The following CALD1 variants were observed in gnomAD, a reference collection of about 807,000 sequenced individuals.
The protein encoded by CALD1 is caldesmon.
Under a neutral mutation model 99.9 loss-of-function variants are expected in CALD1, and 33 were observed. The observed-to-expected ratio is 0.33, with a 90% CI of 0.25 to 0.44. The LOEUF is 0.44. Ranked by LOEUF, CALD1 falls within the 20% of genes least tolerant of loss-of-function variation. The pLI, the probability that CALD1 is intolerant of heterozygous loss-of-function variation, is 1.00. For missense variants in CALD1, 861 were observed against 962.1 expected, an observed-to-expected ratio of 0.89 and a Z score of 1.39; for synonymous variants, 310 against 325.0, an observed-to-expected ratio of 0.95 and a Z score of 0.50.
chr7:134,763,713 T>A (rs898873601), intron 1 of CALD1, among the ~76,000 whole-genome samples: 5 of 151,518 alleles, frequency 3.3e-5, no homozygotes, highest in Admixed American at 3.3e-4. Context: ...AGGTCAGGAG[T>A]TTGAGACCAG....
At chr7:134,902,936 GATAA>G (rs1413105892) in intron 3 of CALD1, among the ~76,000 whole-genome samples, 2 of 152,046 alleles carry the variant, frequency 1.3e-5, no homozygotes, top group Non-Finnish European at 2.9e-5. Flanking sequence ...TGGATGAGTG[GATAA>G]ATAAACTGTG....
intron 14 of CALD1, among the ~76,000 whole-genome samples, chr7:134,967,175 A>G (rs1224266864): frequency 2.6e-5 from 4 of 152,194 alleles, no homozygotes; most frequent in African/African-American, 9.6e-5. Flanking sequence ...CACCACTCAC[A>G]TACAAACATG....
the CALD1 span, among the ~76,000 whole-genome samples, chr7:134,723,042 C>A: frequency 6.6e-6 from 1 of 152,178 alleles, no homozygotes; most frequent in East Asian, 1.9e-4. Context: ...CCAAGGGAAG[C>A]ACTAACACGG....
At chr7:134,863,462 G>A (rs150610391) in intron 2 of CALD1, among the ~76,000 whole-genome samples, 1 of 152,238 alleles carries the variant, frequency 6.6e-6, no homozygotes, top group African/African-American at 2.4e-5. Context: ...CCTAAGTGTT[G>A]AGTGCTGGGT....
At chr7:134,831,111 A>G (rs1207550324) in intron 1 of CALD1, among the ~76,000 whole-genome samples, 2 of 152,238 alleles carry the variant, frequency 1.3e-5, no homozygotes, top group African/African-American at 4.8e-5. Flanking sequence ...ATGATTACAT[A>G]TAACTGTAAA....
intron 1 of CALD1, among the ~76,000 whole-genome samples, chr7:134,764,071 A>G (rs1796805086): frequency 6.6e-6 from 1 of 152,142 alleles, no homozygotes; most frequent in African/African-American, 2.4e-5. Flanking sequence ...AGTGTCCCCA[A>G]AGTCCATACA....
At chr7:134,851,546 C>T (rs1350990106) in intron 2 of CALD1, among the ~76,000 whole-genome samples, 1 of 152,190 alleles carries the variant, frequency 6.6e-6, no homozygotes, top group Non-Finnish European at 1.5e-5. Flanking sequence ...CTAGGTTATG[C>T]TGGTGTCAGA....
intron 3 of CALD1, among the ~76,000 whole-genome samples, chr7:134,925,498 G>T (rs1444395388): frequency 6.6e-6 from 1 of 152,128 alleles, no homozygotes; most frequent in Non-Finnish European, 1.5e-5. Context: ...AAGAAAAGAG[G>T]TTTAACTGAC....
chr7:134,922,024 CA>C (rs1342870187), intron 3 of CALD1, among the ~76,000 whole-genome samples: 1 of 152,120 alleles, frequency 6.6e-6, no homozygotes, highest in African/African-American at 2.4e-5. Flanking sequence ...CTGATTTTGG[CA>C]AGTCCTCAAA....
chr7:134,846,560 T>C (rs1183368992), intron 2 of CALD1, among the ~76,000 whole-genome samples: 3 of 152,230 alleles, frequency 2.0e-5, no homozygotes, highest in African/African-American at 4.8e-5. Flanking sequence ...TTTATTCATC[T>C]CTCTTTTATT....
rs1232474432 is a variant in CALD1, at chr7:134,870,915, A to G, written c.71+3111A>G. Among the ~76,000 whole-genome samples the G allele has an allele frequency of 1.3e-5, 2 of 152,212 alleles. 1 individual carries two copies. Among genetic ancestry groups the G allele is most frequent in the Admixed American group, 1.3e-4 (2 of 15,282 alleles). On this transcript the variant is annotated intron_variant, in intron 3 of 14. Coordinates refer to ENST00000361675, the MANE Select transcript of CALD1 (RefSeq NM_033138.4). The stretch of plus-strand genomic sequence containing the variant: ...AATCTGATCATTTATGGGAATAGTG[A>G]AAGTCAGGCTTCATGGTTCAGCCAG...
intron 1 of CALD1, among the ~76,000 whole-genome samples, chr7:134,757,510 T>C (rs1796739864): frequency 6.6e-6 from 1 of 152,212 alleles, no homozygotes; most frequent in Admixed American, 6.5e-5. Flanking sequence ...GCCTGGAGAC[T>C]TCTAGCAGTT....
chr7:134,966,885 T>G (rs1003218867), intron 14 of CALD1, among the ~76,000 whole-genome samples: 1 of 152,120 alleles, frequency 6.6e-6, no homozygotes, highest in Non-Finnish European at 1.5e-5. Flanking sequence ...GCAATGTAAA[T>G]AGCCCAAACC....
chr7:134,917,456 C>A (rs1374458633), intron 3 of CALD1, among the ~76,000 whole-genome samples: 3 of 152,130 alleles, frequency 2.0e-5, no homozygotes, highest in East Asian at 3.9e-4. Context: ...TCAAGAGATT[C>A]TCCTGCCTCA....
At chr7:134,726,667 G>A in the CALD1 span, among the ~76,000 whole-genome samples, 1 of 151,904 alleles carries the variant, frequency 6.6e-6, no homozygotes, top group Non-Finnish European at 1.5e-5. Context: ...TGTATCACCA[G>A]TTGTATTAGT....
the CALD1 span, among the ~76,000 whole-genome samples, chr7:134,722,393 G>GTTTATTTATTTA: frequency 6.6e-6 from 1 of 150,752 alleles, no homozygotes; most frequent in African/African-American, 2.4e-5. Flanking sequence ...GTTCGATTTT[G>GTTTATTTATTTA]TTTATTTATT....
intron 1 of CALD1, among the ~76,000 whole-genome samples, chr7:134,814,741 C>T (rs1798491484): frequency 6.6e-6 from 1 of 152,164 alleles, no homozygotes; most frequent in Non-Finnish European, 1.5e-5. Context: ...AGTGAAGGCA[C>T]ACCCCTGTTG....
At chr7:134,838,462 T>C (rs1276657972) in intron 1 of CALD1, among the ~76,000 whole-genome samples, 1 of 152,210 alleles carries the variant, frequency 6.6e-6, no homozygotes, top group Non-Finnish European at 1.5e-5. Flanking sequence ...CAAGAAACAG[T>C]GGATACTAAG....
intron 3 of CALD1, among the ~76,000 whole-genome samples, chr7:134,872,124 C>G (rs10243483): frequency 6.6e-6 from 1 of 151,898 alleles, no homozygotes; most frequent in Non-Finnish European, 1.5e-5. Context: ...TCCCAGCACT[C>G]TGGGAGGCTG....
Sources: gnomAD v4.1 joint callset for allele counts (sites outside exome capture counted in the v4.1 genomes callset) on GRCh38, gnomAD v4.1.1 for gene constraint, MANE v1.5 for transcripts, NCBI Gene and HGNC (gene_info 2026-07-23, HGNC 2026-07-21) for gene names.